The following LRGUK variants were observed in gnomAD, a reference collection of about 807,000 sequenced individuals.
The protein encoded by LRGUK is leucine-rich repeat and guanylate kinase domain-containing protein.
A neutral mutation model predicts 76.0 loss-of-function variants in LRGUK; 65 were observed. The observed-to-expected ratio is 0.85, with a 90% CI of 0.70 to 1.05. LRGUK has a LOEUF of 1.05. Among genes scored for constraint, LRGUK ranks in the 50% least tolerant of loss-of-function variants. LRGUK has a pLI of 0.00. For missense variants in LRGUK, 758 were observed against 732.8 expected (o/e 1.03, Z -0.40); for synonymous variants, 268 against 265.6 (o/e 1.01, Z -0.09).
chr7:134,191,692 G>T (rs773908835), exon 12 of LRGUK: 1 of 1,613,032 alleles, frequency 6.2e-7, no homozygotes, highest in South Asian at 1.1e-5. Flanking sequence ...CTTTGGAGAA[G>T]GGGATCGAGT....
chr7:134,182,524 C>G (rs1337408115), intron 10 of LRGUK, among the ~76,000 whole-genome samples: 2 of 152,134 alleles, frequency 1.3e-5, no homozygotes, highest in East Asian at 1.9e-4. Flanking sequence ...ATGTGTTTCC[C>G]ATAGGCTTTT....
At chr7:134,228,684 GACA>G (rs1439708011) in intron 16 of LRGUK, among the ~76,000 whole-genome samples, 1 of 152,042 alleles carries the variant, frequency 6.6e-6, no homozygotes, top group South Asian at 2.1e-4. Context: ...CTAAATTTAT[GACA>G]ACAATTATAA....
chr7:134,223,572 G>A (rs1300922690), intron 16 of LRGUK, among the ~76,000 whole-genome samples: 3 of 152,196 alleles, frequency 2.0e-5, no homozygotes, highest in Admixed American at 2.0e-4. Flanking sequence ...GAAATCAAAT[G>A]TCGTTAGAAA....
intron 15 of LRGUK, among the ~76,000 whole-genome samples, chr7:134,220,256 C>T (rs192799723): frequency 8.5e-5 from 13 of 152,254 alleles, no homozygotes; most frequent in East Asian, 5.8e-4. Flanking sequence ...ATATAGTCCT[C>T]GCCCATTTGT....
At chr7:134,211,140 A>G (rs1204304875), downstream of LRGUK, among the ~76,000 whole-genome samples, 1 of 152,212 alleles carries the variant, frequency 6.6e-6, no homozygotes, top group Non-Finnish European at 1.5e-5. Flanking sequence ...GATTCCTAGA[A>G]GGCAGCCAAT....
chr7:134,231,346 C>CAG (rs1801884905), intron 16 of LRGUK, among the ~76,000 whole-genome samples: 1 of 152,168 alleles, frequency 6.6e-6, no homozygotes, highest in South Asian at 2.1e-4. Context: ...TGCTATTGAT[C>CAG]AAGCTTAGAA....
At chr7:134,219,096 G>C (rs1161643589) in intron 15 of LRGUK, among the ~76,000 whole-genome samples, 1 of 152,224 alleles carries the variant, frequency 6.6e-6, no homozygotes, top group East Asian at 1.9e-4. Flanking sequence ...CTTTAATTTA[G>C]ATAGCTTGAA....
intron 7 of LRGUK, among the ~76,000 whole-genome samples, chr7:134,171,435 T>C (rs889138957): frequency 2.0e-5 from 3 of 151,704 alleles, no homozygotes; most frequent in Admixed American, 6.6e-5. Flanking sequence ...TATGTACTTA[T>C]ATATTTTTAT....
At chr7:134,130,741 A>G (rs558098414) in intron 1 of LRGUK, among the ~76,000 whole-genome samples, 43 of 152,142 alleles carry the variant, frequency 2.8e-4, no homozygotes, top group African/African-American at 9.6e-4. Context: ...TTTGCCTTAA[A>G]CCTCGGAAGC....
intron 1 of LRGUK, among the ~76,000 whole-genome samples, chr7:134,131,255 G>A (rs1400951198): frequency 6.6e-6 from 1 of 152,182 alleles, no homozygotes; most frequent in Non-Finnish European, 1.5e-5. Context: ...TTACTATAGT[G>A]TCTGATACAG....
intron 10 of LRGUK, 67 bp downstream of exon 10, chr7:134,178,676 C>G: frequency 1.6e-6 from 2 of 1,227,376 alleles, no homozygotes; most frequent in Non-Finnish European, 2.3e-6. Flanking sequence ...CATCACTTCC[C>G]CTAACCCCTA....
chr7:134,135,822 AT>A (rs953539634), intron 1 of LRGUK, among the ~76,000 whole-genome samples: 4 of 152,024 alleles, frequency 2.6e-5, no homozygotes, highest in Admixed American at 2.0e-4. Context: ...CATCCGGCTA[AT>A]TTTTTTGTAT....
At chr7:134,164,923 A>G (rs1283777897) in intron 7 of LRGUK, among the ~76,000 whole-genome samples, 1 of 152,208 alleles carries the variant, frequency 6.6e-6, no homozygotes, top group Non-Finnish European at 1.5e-5. Flanking sequence ...TCTGGTGGAC[A>G]ACCTTTGTTC....
intron 11 of LRGUK, 77 bp from the exon 12 acceptor site, chr7:134,191,577 AC>A: frequency 1.0e-6 from 1 of 963,746 alleles, no homozygotes; most frequent in African/African-American, 1.7e-5. Flanking sequence ...ATTTTTTAAA[AC>A]ATAATTTATA....
Position 134,209,632 on chromosome 7 carries a change from T to G in LRGUK, c.2769T>G (p.Ala923=), listed in dbSNP as rs1801160179. Residue 923 remains alanine, a synonymous_variant, in exon 16 of 16, where the codon GCT becomes GCG. Coordinates refer to ENST00000645682, the Ensembl canonical transcript of LRGUK. ...TCCTATCGCCCAGCAGGGAAGAGGC[T>G]TTAGGAACAACCTCCCATCAAACCA... The G allele has an allele frequency of 1.0e-5, 4 of 398,974 alleles. No homozygotes were observed. In the South Asian group the frequency reaches 5.1e-4, roughly 51 times the overall value. The allele number at this position is 398,974 out of a possible 1,614,324, so 24.7% of individuals were successfully genotyped here.
intron 16 of LRGUK, among the ~76,000 whole-genome samples, chr7:134,245,241 T>C (rs1014842300): frequency 1.3e-5 from 2 of 152,088 alleles, no homozygotes; most frequent in Non-Finnish European, 2.9e-5. Flanking sequence ...TTCCTATGAC[T>C]TCTTATACTC....
chr7:134,142,764 AGCGGGCAT>A (rs1251148522), intron 3 of LRGUK, among the ~76,000 whole-genome samples: 1 of 152,186 alleles, frequency 6.6e-6, no homozygotes, highest in Non-Finnish European at 1.5e-5. Context: ...TGGCAGAGTG[AGCGGGCAT>A]GCGGAAGAGG....
intron 12 of LRGUK, among the ~76,000 whole-genome samples, chr7:134,196,206 C>T (rs574023622): frequency 6.6e-6 from 1 of 152,292 alleles, no homozygotes; most frequent in South Asian, 2.1e-4. Flanking sequence ...TCATCAGTTA[C>T]CCAGTTTAGA....
At chr7:134,163,496 G>A (rs1480095156) in exon 7 of LRGUK, 2 of 1,613,794 alleles carry the variant, frequency 1.2e-6, no homozygotes, top group African/African-American at 2.7e-5. Context: ...CCAAGGCTTA[G>A]AGAATCATGA....
Sources: allele counts gnomAD v4.1 joint callset (sites outside exome capture counted in the v4.1 genomes callset), GRCh38; gene constraint gnomAD v4.1.1; transcripts MANE v1.5; gene names NCBI Gene and HGNC (gene_info 2026-07-23, HGNC 2026-07-21).